The following WAPL variants were observed in gnomAD, a reference collection of about 807,000 sequenced individuals.
WAPL encodes WAPL cohesin release factor.
WAPL carries 5 observed loss-of-function variants against 121.0 expected under a neutral mutation model. That is an observed-to-expected ratio of 0.04 (90% CI 0.02 to 0.09). The LOEUF (loss-of-function observed/expected upper bound fraction) is 0.09, where lower values mean the gene tolerates loss of function less well. Among genes scored for constraint, WAPL ranks in the 10% least tolerant of loss-of-function variants. The pLI is 1.00. For missense variants in WAPL, 999 were observed against 1,410.8 expected (o/e 0.71, Z 4.68); for synonymous variants, 480 against 481.5 (o/e 1.00, Z 0.04).
chr10:86,492,565 T>C (rs1489403223), intron 4 of WAPL, among the ~76,000 whole-genome samples: 1 of 152,138 alleles, frequency 6.6e-6, no homozygotes. Context: ...TAAAGCATCA[T>C]ACACAATGCA....
chr10:86,472,130 G>A lies in WAPL; in HGVS notation c.2030+78C>T. 1 of 1,382,856 alleles carries A rather than the reference G, an allele frequency of 7.2e-7. No homozygotes were observed. The highest frequency in any genetic ancestry group is 1.7e-5 in the South Asian group (1 of 60,550). 85.7% of individuals were successfully genotyped at this position (1,382,856 alleles called of 1,614,324 possible). On this transcript the variant is annotated intron_variant, in intron 7 of 18. Transcript: ENST00000298767. The surrounding 1 kb of genome is among the most constrained non-coding windows in gnomAD (Gnocchi z 4.2). ...CATCATAACAAAATAAAAAATGTTT[G>A]GCTTTTTGGACAACACCTAGTTGAA...
At chr10:86,478,567 A>G (rs1841712116) in intron 4 of WAPL, among the ~76,000 whole-genome samples, 1 of 151,864 alleles carries the variant, frequency 6.6e-6, no homozygotes, top group Non-Finnish European at 1.5e-5. Context: ...CAATACTAGT[A>G]ATCTTAAATA....
Position 86,437,243 on chromosome 10 carries a change from G to C in WAPL, c.*300C>G. 3.7e-6 allele frequency: 1 copy of C among 268,158 alleles called. No individual in the cohort carries two copies. The highest frequency in any genetic ancestry group is 7.0e-6 in the Non-Finnish European group (1 of 142,660). 16.6% of individuals were successfully genotyped at this position (268,158 alleles called of 1,614,324 possible). ...CCCCTTCAAACTTGCCCAGAATAAA[G>C]CAAGAAAACAAGGGGAGGGTATAAA... On this transcript the variant is annotated 3_prime_UTR_variant, in exon 19 of 19. Transcript: ENST00000298767.
chr10:86,502,491 T>C (rs1242706951), intron 2 of WAPL, among the ~76,000 whole-genome samples: 3 of 152,232 alleles, frequency 2.0e-5, no homozygotes, highest in Non-Finnish European at 4.4e-5. Flanking sequence ...TTGAATTTAC[T>C]TTAGTGAGGA....
intron 4 of WAPL, among the ~76,000 whole-genome samples, chr10:86,491,833 A>C (rs1589527416): frequency 7.5e-6 from 1 of 133,052 alleles, no homozygotes; most frequent in South Asian, 2.3e-4. Context: ...TAATACACAC[A>C]ATGATTACTG....
At chr10:86,512,717 A>G (rs1293083766) in intron 2 of WAPL, among the ~76,000 whole-genome samples, 1 of 152,244 alleles carries the variant, frequency 6.6e-6, no homozygotes, top group East Asian at 1.9e-4. Context: ...GTATTTGCAG[A>G]TAGAAACAGA....
intron 3 of WAPL, among the ~76,000 whole-genome samples, chr10:86,498,567 C>T (rs1342870850): frequency 1.3e-5 from 2 of 152,142 alleles, no homozygotes; most frequent in Non-Finnish European, 2.9e-5. Flanking sequence ...CAAAATACTA[C>T]TGTAATTCTA....
chr10:86,460,332 C>A, intron 11 of WAPL, 67 bp downstream of exon 11: 1 of 1,294,934 alleles, frequency 7.7e-7, no homozygotes, highest in Non-Finnish European at 1.1e-6. Flanking sequence ...ATTTGGCAGT[C>A]TCTCTCTTAC....
intron 4 of WAPL, among the ~76,000 whole-genome samples, chr10:86,482,994 G>A (rs541261012): frequency 3.9e-4 from 59 of 152,236 alleles, no homozygotes; most frequent in African/African-American, 1.3e-3. Context: ...CATATGTAAC[G>A]GTGGTCTCAT....
intron 4 of WAPL, among the ~76,000 whole-genome samples, chr10:86,476,510 G>A (rs1438610809): frequency 6.6e-6 from 1 of 152,046 alleles, no homozygotes; most frequent in East Asian, 1.9e-4. Context: ...CCAACAGGAT[G>A]AAACCCCGTC....
intron 2 of WAPL, among the ~76,000 whole-genome samples, chr10:86,514,261 AACAAACTTACAAACAT>A (rs1288880143): frequency 1.3e-5 from 2 of 152,206 alleles, no homozygotes; most frequent in African/African-American, 2.4e-5. Flanking sequence ...CCACAACTAT[AACAAACTTACAAACAT>A]ACAAACTTAC....
At position 86,472,141 on chromosome 10, in the gene WAPL, C is replaced by G; in HGVS notation, c.2030+67G>C. ...AATAAAAAATGTTTGGCTTTTTGGACAACACCTAGTTGAAAAAATTTAATA... is the reference window on the plus strand; with the variant it reads ...AATAAAAAATGTTTGGCTTTTTGGAGAACACCTAGTTGAAAAAATTTAATA... On this transcript the variant is annotated intron_variant, in intron 7 of 18. Coordinates refer to ENST00000298767, the MANE Select transcript of WAPL (RefSeq NM_015045.5). The surrounding 1 kb of genome is among the most constrained non-coding windows in gnomAD (Gnocchi z 4.2). 1 of 1,447,754 alleles carries G rather than the reference C, an allele frequency of 6.9e-7. No homozygotes were observed. Among genetic ancestry groups the G allele is most frequent in the Non-Finnish European group, 9.1e-7 (1 of 1,095,530 alleles). 89.7% of individuals were successfully genotyped at this position (1,447,754 alleles called of 1,614,324 possible).
At chr10:86,467,553 A>C in intron 8 of WAPL, 47 bp from the exon 9 acceptor site, 1 of 1,369,310 alleles carries the variant, frequency 7.3e-7, no homozygotes, top group Non-Finnish European at 1.0e-6. Flanking sequence ...CATGTAAGCA[A>C]CTCCTGACAT....
intron 2 of WAPL, among the ~76,000 whole-genome samples, chr10:86,508,832 G>A (rs962729914): frequency 2.1e-5 from 3 of 139,970 alleles, no homozygotes; most frequent in Non-Finnish European, 4.5e-5. Context: ...TCGGCTCACT[G>A]CAAGCTCCGC....
At chr10:86,470,295 A>G (rs1841507750) in intron 8 of WAPL, among the ~76,000 whole-genome samples, 1 of 152,118 alleles carries the variant, frequency 6.6e-6, no homozygotes, top group Non-Finnish European at 1.5e-5. Flanking sequence ...TGGCCTCCCA[A>G]AGTGCTGGGA....
At chr10:86,468,679 A>G (rs559219792) in intron 8 of WAPL, among the ~76,000 whole-genome samples, 4 of 152,240 alleles carry the variant, frequency 2.6e-5, no homozygotes, top group East Asian at 1.9e-4. Flanking sequence ...AAAATAAACC[A>G]ATCGCCAGGC....
Position 86,500,321 on chromosome 10 carries a change from C to T in WAPL, c.922G>A (p.Ala308Thr), listed in dbSNP as rs761071575. Residue 308 changes from alanine (A) to threonine (T), a missense_variant, in exon 3 of 19, where the codon GCA becomes ACA. By Grantham distance (58) the Ala-to-Thr change is moderately conservative (BLOSUM62 0). Transcript: ENST00000298767. ...RANKTKSSQG[A>T]SNFDKLMDGT... ...TCCATCAGCTTATCAAAATTTGATG[C>T]TCCTTGGGAGGATTTCGTTTTATTG... 2.5e-6 allele frequency: 4 copies of T among 1,614,098 alleles called. No individual in the cohort carries two copies. In the African/African-American group the frequency reaches 5.3e-5, roughly 22 times the overall value.
chr10:86,500,410 G>A lies in WAPL; in HGVS notation c.833C>T (p.Ala278Val), dbSNP rs1386792774. 2 of 1,614,150 alleles carry A rather than the reference G, an allele frequency of 1.2e-6. No homozygotes were observed. The highest frequency in any genetic ancestry group is 1.7e-6 in the Non-Finnish European group (2 of 1,180,040). ...ACTTTGTACAATATCTTCCTCAATG[G>A]CTTCATTCAGATTTTCCAATCGATT... ...FKNRLENLNEAIEEDIVQSVL... is the reference protein window; with the variant it reads ...FKNRLENLNEVIEEDIVQSVL... The change falls in exon 3 of 19, where the codon GCC becomes GTC. Residue 278 changes from alanine (A) to valine (V), a missense_variant. Physicochemically the swap from Ala to Val is moderately conservative, Grantham distance 64 (BLOSUM62 0). Around this residue, in one of 7 missense-constraint regions of WAPL, gnomAD observed 531 missense variants for 563.1 expected, o/e 0.94. Transcript: ENST00000298767.
intron 2 of WAPL, among the ~76,000 whole-genome samples, chr10:86,515,864 CTTTT>C (rs377683656): frequency 9.9e-6 from 1 of 101,146 alleles, no homozygotes; most frequent in Non-Finnish European, 1.8e-5. Context: ...CTGTCTATGC[CTTTT>C]TTTTTTTTTT....
Sources: allele counts gnomAD v4.1 joint callset (sites outside exome capture counted in the v4.1 genomes callset), GRCh38; gene constraint gnomAD v4.1.1; regional missense constraint gnomAD v4.1.1; non-coding constraint Gnocchi (gnomAD v3.1); transcripts MANE v1.5; gene names NCBI Gene and HGNC (gene_info 2026-07-23, HGNC 2026-07-21).